Variants in SLIT1 observed in about 807,000 individuals in gnomAD.
The protein encoded by SLIT1 is slit homolog 1 protein.
SLIT1 carries 66 observed loss-of-function variants against 186.1 expected under a neutral mutation model. The observed-to-expected ratio is 0.35, with a 90% CI of 0.29 to 0.44. SLIT1 has a LOEUF of 0.44. Among genes scored for constraint, SLIT1 ranks in the 20% least tolerant of loss-of-function variants. SLIT1 has a pLI of 1.00. For synonymous variants in SLIT1, 761 were observed against 833.8 expected (o/e 0.91, Z 1.50); for missense variants, 1,638 against 2,037.4 (o/e 0.80, Z 3.77).
At chr10:97,106,606 A>C (rs142295462) in intron 4 of SLIT1, among the ~76,000 whole-genome samples, 43 of 151,986 alleles carry the variant, frequency 2.8e-4, no homozygotes, top group African/African-American at 9.2e-4. Flanking sequence ...TTTGGGGGAA[A>C]TCTTTATTTG....
intron 25 of SLIT1, among the ~76,000 whole-genome samples, chr10:97,026,555 C>G (rs1848548055): frequency 6.6e-6 from 1 of 152,178 alleles, no homozygotes; most frequent in Non-Finnish European, 1.5e-5. Context: ...TATGGGCATG[C>G]CATAATTTAC....
rs1848346093 is a variant in SLIT1, at chr10:97,004,857, C to A, written c.3580-34G>T. Reference sequence around the variant, plus strand: ...CAGTGGCACTTTCTCTCCCACCCCACCCCATGCAGCAGCGGCACAGGCTAG... The same window carrying A: ...CAGTGGCACTTTCTCTCCCACCCCAACCCATGCAGCAGCGGCACAGGCTAG... On this transcript the variant is annotated intron_variant, in intron 32 of 36. Transcript: ENST00000266058. This position sits in a 1 kb window ranked among gnomAD's most constrained non-coding sequence, Gnocchi z 5.1. The A allele has an allele frequency of 1.9e-6, 3 of 1,613,516 alleles. No homozygotes were observed. The highest frequency in any genetic ancestry group is 2.5e-6 in the Non-Finnish European group (3 of 1,179,522).
rs1173185699 is a variant in SLIT1, at chr10:97,014,057, A to G, written c.3071T>C (p.Val1024Ala). The G allele has an allele frequency of 6.2e-7, 1 of 1,613,466 alleles. No individual in the cohort carries two copies. Among genetic ancestry groups the G allele is most frequent in the Admixed American group, 1.7e-5 (1 of 59,978 alleles). Residue 1024 changes from valine to alanine, a missense_variant, in exon 29 of 37, where the codon GTG (valine) becomes GCG (alanine). By Grantham distance (64) the Val-to-Ala change is moderately conservative. Coordinates refer to ENST00000266058, the MANE Select transcript of SLIT1 (RefSeq NM_003061.3). ...GGGGCACTGGCAGGTGTAGTTGCCC[A>G]CACCATCCACACAGACGCCCCCATT... ...CANGGVCVDG[V>A]GNYTCQCPLQ...
Position 97,018,745 on chromosome 10 carries a change from C to A in SLIT1, c.2872-62G>T, listed in dbSNP as rs1848476763. Reference sequence around the variant, plus strand: ...CCCAGGAGTTAGTATGAGCCAACAGCCAGCCAGACCCTCAGCAGCTCAGCC... The same window carrying A: ...CCCAGGAGTTAGTATGAGCCAACAGACAGCCAGACCCTCAGCAGCTCAGCC... On this transcript the variant is annotated intron_variant, in intron 27 of 36. Transcript: ENST00000266058. 2.9e-6 allele frequency: 3 copies of A among 1,039,844 alleles called. No homozygotes were observed. The South Asian group carries it at 4.2e-5, about 15-fold the overall frequency. 64.4% of individuals were successfully genotyped at this position (1,039,844 alleles called of 1,614,324 possible). A position where few individuals can be genotyped will look rare whatever the true frequency, so the allele number is the denominator to read the frequency against.
intron 4 of SLIT1, among the ~76,000 whole-genome samples, chr10:97,092,924 A>G (rs1234107021): frequency 6.6e-6 from 1 of 152,198 alleles, no homozygotes; most frequent in Non-Finnish European, 1.5e-5. Context: ...CCACTGGACT[A>G]TTGTTGGCTT....
At chr10:97,092,871 C>A (rs900430472) in intron 4 of SLIT1, among the ~76,000 whole-genome samples, 1 of 152,246 alleles carries the variant, frequency 6.6e-6, no homozygotes. Flanking sequence ...GCTAAGTGAT[C>A]TGCATGCCTC....
Position 97,164,861 on chromosome 10 carries a change from A to G in SLIT1, c.227T>C (p.Ile76Thr). The change falls in exon 2 of 37, where the codon ATC becomes ACC. Residue 76 changes from isoleucine (I) to threonine (T), a missense_variant. By Grantham distance (89) the Ile-to-Thr change is moderately conservative. Coordinates refer to ENST00000266058, the MANE Select transcript of SLIT1 (RefSeq NM_003061.3). ...LELNGNNITRIHKNDFAGLKQ... is the reference protein window; with the variant it reads ...LELNGNNITRTHKNDFAGLKQ... ...GAGCCCCGCAAAGTCATTCTTATGG[A>G]TCCGAGTGATGTTGTTGCCATTGAG... 2 of 1,613,612 alleles carry G rather than the reference A, an allele frequency of 1.2e-6. No homozygotes were observed. The highest frequency in any genetic ancestry group is 8.5e-7 in the Non-Finnish European group (1 of 1,179,666).
chr10:97,054,999 C>T (rs920591797), intron 13 of SLIT1, among the ~76,000 whole-genome samples: 1 of 152,054 alleles, frequency 6.6e-6, no homozygotes, highest in African/African-American at 2.4e-5. Flanking sequence ...AGGTGGATCA[C>T]GAGGTCAGGA....
chr10:97,123,109 A>AT (rs766966014), intron 4 of SLIT1, among the ~76,000 whole-genome samples: 21 of 152,224 alleles, frequency 1.4e-4, no homozygotes, highest in Non-Finnish European at 2.2e-4. Flanking sequence ...CACTTTACAG[A>AT]TGAAGAAACT....
chr10:97,002,108 C>T, intron 36 of SLIT1, 50 bp downstream of exon 36: 3 of 1,243,182 alleles, frequency 2.4e-6, no homozygotes, highest in African/African-American at 3.1e-5. Context: ...ATTGCTAAAG[C>T]AATTTGTGGG....
intron 20 of SLIT1, 44 bp from the exon 21 acceptor site, chr10:97,040,164 C>G: frequency 6.7e-7 from 1 of 1,502,596 alleles, no homozygotes; most frequent in Non-Finnish European, 8.9e-7. Context: ...GGTGGACGGG[C>G]CGCTGTAGGG....
At chr10:97,083,572 T>C (rs1019647433) in intron 4 of SLIT1, among the ~76,000 whole-genome samples, 5 of 152,202 alleles carry the variant, frequency 3.3e-5, no homozygotes, top group Non-Finnish European at 7.3e-5. Context: ...AGAACTTAGA[T>C]GCTTGTATAA....
At position 97,016,362 on chromosome 10, in the gene SLIT1, T is replaced by C. The variant is rs116613854; in HGVS notation, c.2970-2204A>G. On this transcript the variant is annotated intron_variant, in intron 28 of 36. Transcript: ENST00000266058. ...CTGTTTAGATTGCATTGGAGAATGA[T>C]AAAAGAGTGATTTAATGTCATATTT... Among the ~76,000 whole-genome samples the C allele has an allele frequency of 1.8e-3, 270 of 152,284 alleles. 2 individuals are homozygous for C. The highest frequency in any genetic ancestry group is 6.4e-3 in the African/African-American group (265 of 41,556).
At chr10:97,038,150 C>T (rs761361681) in intron 21 of SLIT1, among the ~76,000 whole-genome samples, 3 of 152,164 alleles carry the variant, frequency 2.0e-5, no homozygotes, top group African/African-American at 4.8e-5. Flanking sequence ...GCTCCCAGGG[C>T]CCCCTGTCCA....
chr10:97,152,837 A>T (rs891210177), intron 4 of SLIT1, among the ~76,000 whole-genome samples: 1 of 152,186 alleles, frequency 6.6e-6, no homozygotes. Context: ...TGCAGTTTGG[A>T]ATCCTGGCTT....
intron 31 of SLIT1, among the ~76,000 whole-genome samples, chr10:97,008,888 A>AT (rs1848386988): frequency 2.6e-5 from 4 of 151,030 alleles, no homozygotes; most frequent in South Asian, 2.1e-4. Flanking sequence ...ATTTATTATT[A>AT]TTATTTTTTG....
chr10:97,018,529 G>T, intron 28 of SLIT1, 57 bp downstream of exon 28: 1 of 1,109,368 alleles, frequency 9.0e-7, no homozygotes, highest in Non-Finnish European at 1.3e-6. Context: ...GGGCCCTGAG[G>T]CACAGGTGCT....
chr10:97,044,671 C>T (rs1052923146), intron 18 of SLIT1, among the ~76,000 whole-genome samples: 1 of 152,146 alleles, frequency 6.6e-6, no homozygotes, highest in Non-Finnish European at 1.5e-5. Flanking sequence ...CTGGGCACTT[C>T]CACACACTGG....
intron 27 of SLIT1, 134 bp from the exon 28 acceptor site, chr10:97,018,817 CTTCATTCATTCATTCA>C (rs3837348): frequency 7.7e-6 from 5 of 646,348 alleles, no homozygotes; most frequent in South Asian, 3.8e-5. Context: ...CATTCGTCCA[CTTCATTCATTCATTCA>C]TTCATTCATT....
Sources: gnomAD v4.1 joint callset for allele counts (sites outside exome capture counted in the v4.1 genomes callset) on GRCh38, gnomAD v4.1.1 for gene constraint, Gnocchi (gnomAD v3.1) non-coding constraint, MANE v1.5 for transcripts, NCBI Gene and HGNC (gene_info 2026-07-23, HGNC 2026-07-21) for gene names.